Variants in MITF observed in about 807,000 individuals in gnomAD.
MITF encodes the protein melanocyte inducing transcription factor.
Under a neutral mutation model 60.5 loss-of-function variants are expected in MITF, and 17 were observed. That is an observed-to-expected ratio of 0.28 (90% confidence interval 0.19 to 0.42). MITF has a LOEUF of 0.42. Ranked by LOEUF, MITF falls within the 10% of genes least tolerant of loss-of-function variation. The probability of loss-of-function intolerance (pLI) is 1.00; values close to 1 mark genes in which losing one functional copy is unlikely to be tolerated. For synonymous variants in MITF, 260 were observed against 248.5 expected (o/e 1.05, Z -0.43); for missense variants, 622 against 683.5 (o/e 0.91, Z 1.00).
intron 2 of MITF, among the ~76,000 whole-genome samples, chr3:69,883,572 C>G (rs538054080): frequency 3.9e-5 from 6 of 152,258 alleles, no homozygotes; most frequent in Admixed American, 1.3e-4. Flanking sequence ...TGTGGAGTTA[C>G]AGGTGGATTG....
At chr3:69,852,072 G>A (rs1360589697) in intron 1 of MITF, among the ~76,000 whole-genome samples, 1 of 151,990 alleles carries the variant, frequency 6.6e-6, no homozygotes, top group East Asian at 1.9e-4. Flanking sequence ...ATTATATTAT[G>A]GGACATTAGA....
chr3:69,763,690 C>G (rs1385505068), intron 1 of MITF: 1 of 1,294,616 alleles, frequency 7.7e-7, no homozygotes, highest in Non-Finnish European at 9.9e-7. Flanking sequence ...CAAGGCAGCC[C>G]TGGTGAGTGT....
intron 8 of MITF, among the ~76,000 whole-genome samples, chr3:69,958,573 TAA>T (rs540808056): frequency 2.8e-5 from 4 of 142,806 alleles, no homozygotes; most frequent in Admixed American, 1.4e-4. Flanking sequence ...AATCCTTGAT[TAA>T]AAAAAAAAAA....
At chr3:69,812,700 G>A (rs756963752) in intron 1 of MITF, among the ~76,000 whole-genome samples, 6 of 152,142 alleles carry the variant, frequency 3.9e-5, no homozygotes, top group Non-Finnish European at 7.4e-5. Flanking sequence ...AGTTCTTTGT[G>A]TTATGAATTC....
At chr3:69,742,239 T>C (rs1404947174) in intron 1 of MITF, among the ~76,000 whole-genome samples, 1 of 152,114 alleles carries the variant, frequency 6.6e-6, no homozygotes, top group African/African-American at 2.4e-5. Context: ...CTGGAGACAT[T>C]TGTGATTGTT....
intron 2 of MITF, among the ~76,000 whole-genome samples, chr3:69,921,282 A>G (rs748743287): frequency 6.6e-6 from 1 of 152,242 alleles, no homozygotes; most frequent in Non-Finnish European, 1.5e-5. Context: ...GTTTGCAAGT[A>G]TAGTAACGTT....
At chr3:69,748,913 T>A (rs1703827394) in intron 1 of MITF, among the ~76,000 whole-genome samples, 1 of 152,248 alleles carries the variant, frequency 6.6e-6, no homozygotes, top group Non-Finnish European at 1.5e-5. Flanking sequence ...TCACTTAGCC[T>A]GGTGGCTGTG....
chr3:69,740,878 G>A (rs952881503), intron 1 of MITF, among the ~76,000 whole-genome samples: 1 of 152,176 alleles, frequency 6.6e-6, no homozygotes, highest in Admixed American at 6.5e-5. Context: ...GGTGAGTGGA[G>A]AAGGGCAACT....
chr3:69,848,957 C>CTTTTTTTTTTTT (rs55969316), intron 1 of MITF, among the ~76,000 whole-genome samples: 1 of 73,306 alleles, frequency 1.4e-5, no homozygotes, highest in African/African-American at 5.0e-5. Flanking sequence ...AAAGATTCTT[C>CTTTTTTTTTTTT]TTTTTTTTTT....
At chr3:69,794,257 G>T (rs1463561028) in intron 1 of MITF, among the ~76,000 whole-genome samples, 3 of 152,176 alleles carry the variant, frequency 2.0e-5, no homozygotes, top group African/African-American at 7.2e-5. Context: ...CTTCACATTT[G>T]CAGGTGGCTA....
At chr3:69,754,260 A>C (rs1704046471) in intron 1 of MITF, among the ~76,000 whole-genome samples, 1 of 150,032 alleles carries the variant, frequency 6.7e-6, no homozygotes. Context: ...TCTGTCACCC[A>C]GGCTGGAGTG....
At chr3:69,760,526 A>G (rs2062196812) in intron 1 of MITF, among the ~76,000 whole-genome samples, 1 of 152,214 alleles carries the variant, frequency 6.6e-6, no homozygotes, top group South Asian at 2.1e-4. Flanking sequence ...TTGGAATTAC[A>G]TGCAAATCAA....
intron 1 of MITF, among the ~76,000 whole-genome samples, chr3:69,768,670 A>C (rs2062341131): frequency 6.6e-6 from 1 of 152,230 alleles, no homozygotes; most frequent in Admixed American, 6.5e-5. Context: ...ACTGGTAGAC[A>C]CTAGATAAGT....
intron 5 of MITF, 116 bp downstream of exon 5, chr3:69,941,447 G>C (rs1576012839): frequency 1.0e-5 from 7 of 670,490 alleles, no homozygotes; most frequent in Non-Finnish European, 1.6e-5. Flanking sequence ...TGTATTAATA[G>C]TAAAATGGAG....
chr3:69,843,792 G>A (rs548165639), intron 1 of MITF, among the ~76,000 whole-genome samples: 55 of 152,158 alleles, frequency 3.6e-4, no homozygotes, highest in Admixed American at 3.2e-3. Context: ...TGTGCAGAAC[G>A]TACAGGTTTG....
At chr3:69,942,385 C>T (rs914136892) in intron 5 of MITF, among the ~76,000 whole-genome samples, 2 of 152,078 alleles carry the variant, frequency 1.3e-5, no homozygotes, top group Non-Finnish European at 2.9e-5. Flanking sequence ...AGTAAATTCC[C>T]TTGGCCAAAG....
chr3:69,942,727 C>T (rs2065997825), intron 5 of MITF, among the ~76,000 whole-genome samples: 1 of 152,116 alleles, frequency 6.6e-6, no homozygotes, highest in Admixed American at 6.6e-5. Flanking sequence ...CAAGTTGTTG[C>T]ATCCTATGAG....
intron 1 of MITF, among the ~76,000 whole-genome samples, chr3:69,782,648 T>C (rs1045535673): frequency 1.3e-5 from 2 of 152,220 alleles, no homozygotes; most frequent in African/African-American, 2.4e-5. Context: ...GTATTCTCTA[T>C]TTGAAGCTTG....
At chr3:69,848,328 C>T (rs2063766267) in intron 1 of MITF, among the ~76,000 whole-genome samples, 1 of 152,156 alleles carries the variant, frequency 6.6e-6, no homozygotes, top group African/African-American at 2.4e-5. Flanking sequence ...TTTATTTTTC[C>T]AGAGCTGACT....
Sources: allele counts gnomAD v4.1 joint callset (sites outside exome capture counted in the v4.1 genomes callset), GRCh38; gene constraint gnomAD v4.1.1; transcripts MANE v1.5; gene names NCBI Gene and HGNC (gene_info 2026-07-23, HGNC 2026-07-21).